The following ARHGAP32 variants were observed in gnomAD, a reference collection of about 807,000 sequenced individuals.
ARHGAP32 encodes rho GTPase-activating protein 32.
Under a neutral mutation model 186.5 loss-of-function variants are expected in ARHGAP32, and 51 were observed. The ratio of observed to expected loss-of-function variants is 0.27; its 90% CI spans 0.22 to 0.35. The LOEUF (loss-of-function observed/expected upper bound fraction) is 0.35. Among genes scored for constraint, ARHGAP32 ranks in the 10% least tolerant of loss-of-function variants. ARHGAP32 has a pLI of 1.00. For missense variants in ARHGAP32, 2,186 were observed against 2,623.5 expected (o/e 0.83, Z 3.64); for synonymous variants, 950 against 964.3 (o/e 0.99, Z 0.27).
intron 11 of ARHGAP32, among the ~76,000 whole-genome samples, chr11:129,004,791 A>G (rs575939500): frequency 6.6e-6 from 1 of 152,200 alleles, no homozygotes; most frequent in African/African-American, 2.4e-5. Context: ...TATAGGCGAC[A>G]GGCCACTGGG....
chr11:129,048,461 A>G (rs976848442), intron 10 of ARHGAP32, among the ~76,000 whole-genome samples: 18 of 150,990 alleles, frequency 1.2e-4, no homozygotes, highest in African/African-American at 4.1e-4. Context: ...AGTTTAAGTA[A>G]GGAGTAGTAA....
At chr11:129,229,847 G>T (rs1944834661) in intron 1 of ARHGAP32, among the ~76,000 whole-genome samples, 1 of 151,890 alleles carries the variant, frequency 6.6e-6, no homozygotes, top group Non-Finnish European at 1.5e-5. Context: ...TGGGAGGCAG[G>T]GTCTCACTCA....
chr11:129,193,213 T>G (rs1030977055), upstream of ARHGAP32, among the ~76,000 whole-genome samples: 1 of 147,698 alleles, frequency 6.8e-6, no homozygotes, highest in African/African-American at 2.5e-5. Flanking sequence ...GGCTCACGCC[T>G]GTAATCCCAA....
chr11:129,142,403 T>C (rs1161175543), intron 2 of ARHGAP32, among the ~76,000 whole-genome samples: 1 of 152,134 alleles, frequency 6.6e-6, no homozygotes, highest in Admixed American at 6.5e-5. Flanking sequence ...TAATTACATA[T>C]ACAGTACAGG....
At chr11:129,087,608 G>T (rs1226021773) in intron 6 of ARHGAP32, among the ~76,000 whole-genome samples, 1 of 152,212 alleles carries the variant, frequency 6.6e-6, no homozygotes, top group Admixed American at 6.5e-5. Context: ...AGATGAATCA[G>T]AGGGACACGG....
chr11:129,152,037 A>G (rs1289674614), intron 2 of ARHGAP32, among the ~76,000 whole-genome samples: 2 of 152,170 alleles, frequency 1.3e-5, no homozygotes, highest in African/African-American at 4.8e-5. Context: ...AACAGGAGAT[A>G]ATACAACTGA....
chr11:128,985,893 A>T, intron 15 of ARHGAP32, 110 bp downstream of exon 15: 1 of 295,556 alleles, frequency 3.4e-6, no homozygotes, highest in Non-Finnish European at 6.0e-6. Context: ...TATGAAATGG[A>T]AGTTTAATTA....
upstream of ARHGAP32, among the ~76,000 whole-genome samples, chr11:129,195,662 C>T (rs918246732): frequency 2.6e-5 from 4 of 152,010 alleles, no homozygotes; most frequent in East Asian, 3.9e-4. Context: ...TGCTGTGAGC[C>T]GAGATCACGC....
chr11:129,057,173 C>T (rs1010217707), intron 10 of ARHGAP32, among the ~76,000 whole-genome samples: 5 of 152,094 alleles, frequency 3.3e-5, no homozygotes, highest in South Asian at 2.1e-4. Flanking sequence ...GACATCCTCT[C>T]GGCAGAAGAC....
chr11:129,167,223 T>C (rs1490387775), intron 1 of ARHGAP32, among the ~76,000 whole-genome samples: 1 of 152,014 alleles, frequency 6.6e-6, no homozygotes, highest in Non-Finnish European at 1.5e-5. Flanking sequence ...GCAAACAGAC[T>C]AGCTGGGAAA....
chr11:129,107,182 A>G (rs1745548536), intron 5 of ARHGAP32, among the ~76,000 whole-genome samples: 1 of 152,206 alleles, frequency 6.6e-6, no homozygotes, highest in Admixed American at 6.5e-5. Flanking sequence ...AGAAAAACCT[A>G]GTCAACTAGC....
intron 1 of ARHGAP32, among the ~76,000 whole-genome samples, chr11:129,164,925 C>G (rs1043136797): frequency 6.6e-6 from 1 of 152,128 alleles, no homozygotes; most frequent in South Asian, 2.1e-4. Context: ...CTGAAGGCAA[C>G]AGAAAGCAAC....
intron 6 of ARHGAP32, among the ~76,000 whole-genome samples, chr11:129,080,982 TG>T (rs1454413651): frequency 1.1e-4 from 16 of 152,026 alleles, no homozygotes; most frequent in African/African-American, 3.9e-4. Flanking sequence ...CTACTTTAAA[TG>T]TGCATAAACT....
chr11:129,115,151 A>C (rs1164862782), intron 5 of ARHGAP32, among the ~76,000 whole-genome samples: 1 of 152,112 alleles, frequency 6.6e-6, no homozygotes. Flanking sequence ...GGAGACACAA[A>C]AAAATGATTT....
At chr11:129,127,127 T>G (rs566767050) in intron 2 of ARHGAP32, among the ~76,000 whole-genome samples, 1 of 152,202 alleles carries the variant, frequency 6.6e-6, no homozygotes, top group Non-Finnish European at 1.5e-5. Flanking sequence ...GGGAGGCCAC[T>G]GTTCCTAAAT....
chr11:129,241,405 G>A (rs1374561007), intron 1 of ARHGAP32, among the ~76,000 whole-genome samples: 1 of 152,132 alleles, frequency 6.6e-6, no homozygotes, highest in Non-Finnish European at 1.5e-5. Flanking sequence ...TGCTTTGGGA[G>A]GCCGAGGTGG....
intron 11 of ARHGAP32, among the ~76,000 whole-genome samples, chr11:129,030,291 A>G (rs1031869811): frequency 2.6e-5 from 4 of 152,140 alleles, no homozygotes; most frequent in Non-Finnish European, 5.9e-5. Context: ...CAAAAGAGCA[A>G]AAAGTGTTGG....
intron 1 of ARHGAP32, among the ~76,000 whole-genome samples, chr11:129,222,535 G>C (rs760873283): frequency 6.6e-6 from 1 of 152,164 alleles, no homozygotes; most frequent in Admixed American, 6.6e-5. Flanking sequence ...ATAAATTTCT[G>C]CATGGTCCAG....
intron 1 of ARHGAP32, among the ~76,000 whole-genome samples, chr11:129,258,861 T>TA (rs1945288145): frequency 6.6e-6 from 1 of 152,044 alleles, no homozygotes; most frequent in South Asian, 2.1e-4. Flanking sequence ...CCACTTTTCT[T>TA]ATTATAACTA....
Sources: allele counts gnomAD v4.1 joint callset (sites outside exome capture counted in the v4.1 genomes callset), GRCh38; gene constraint gnomAD v4.1.1; transcripts MANE v1.5; gene names NCBI Gene and HGNC (gene_info 2026-07-23, HGNC 2026-07-21).